UVRAG: variants seen among roughly 807,000 people sequenced by gnomAD.
The protein encoded by UVRAG is UV radiation resistance-associated gene protein.
UVRAG carries 19 observed loss-of-function variants against 78.0 expected under a neutral mutation model. The ratio of observed to expected loss-of-function variants is 0.24; its 90% CI spans 0.17 to 0.36. UVRAG has a LOEUF of 0.36. Ranked by LOEUF, UVRAG falls within the 10% of genes least tolerant of loss-of-function variation. The pLI is 1.00. For synonymous variants in UVRAG, 323 were observed against 324.6 expected (o/e 1.00, Z 0.05); for missense variants, 740 against 853.8 (o/e 0.87, Z 1.66).
At chr11:75,934,561 C>A (rs1413806387) in intron 6 of UVRAG, among the ~76,000 whole-genome samples, 1 of 152,078 alleles carries the variant, frequency 6.6e-6, no homozygotes. Context: ...ACCCCATTTA[C>A]CCTGTAATTA....
chr11:76,094,457 G>C (rs529905186), intron 13 of UVRAG, among the ~76,000 whole-genome samples: 9 of 152,242 alleles, frequency 5.9e-5, no homozygotes, highest in Non-Finnish European at 1.2e-4. Flanking sequence ...TTGTACCTCC[G>C]GTAGAATTTG....
intron 2 of UVRAG, among the ~76,000 whole-genome samples, chr11:75,859,054 G>A (rs1419582123): frequency 6.6e-6 from 1 of 152,144 alleles, no homozygotes; most frequent in Non-Finnish European, 1.5e-5. Flanking sequence ...TCTTTTTCAT[G>A]TAGAAGTAGG....
At chr11:75,853,895 C>G (rs1327309953) in intron 2 of UVRAG, among the ~76,000 whole-genome samples, 1 of 151,926 alleles carries the variant, frequency 6.6e-6, no homozygotes, top group Admixed American at 6.6e-5. Flanking sequence ...GCCTCAGCCT[C>G]CTGAGTAGCT....
intron 14 of UVRAG, among the ~76,000 whole-genome samples, chr11:76,138,761 C>A (rs7928973): frequency 1.3e-5 from 2 of 152,206 alleles, no homozygotes; most frequent in Non-Finnish European, 2.9e-5. Flanking sequence ...GCTTCCACCC[C>A]TCGTGGGCTG....
intron 6 of UVRAG, among the ~76,000 whole-genome samples, chr11:75,960,544 A>G (rs1440715527): frequency 6.6e-6 from 1 of 152,156 alleles, no homozygotes; most frequent in Non-Finnish European, 1.5e-5. Context: ...AGGCGGGCAC[A>G]TTGCTTGAAC....
At position 75,815,465 on chromosome 11, in the gene UVRAG, G is replaced by T; in HGVS notation, c.58G>T (p.Ala20Ser). 1 of 1,247,714 alleles carries T rather than the reference G, an allele frequency of 8.0e-7. No individual in the cohort carries two copies. The allele number at this position is 1,247,714 out of a possible 1,614,324, so 77.3% of individuals were successfully genotyped here. ...PVPQPPPGPA[A>S]ALPPGSAARA... ...CCCCCAGCCACCCCCGGGCCCGGCC[G>T]CTGCTCTGCCTCCCGGTTCTGCCGC... Residue 20 changes from alanine (A) to serine (S), a missense_variant, in exon 1 of 15, where the codon GCT (alanine) becomes TCT (serine). Coordinates refer to ENST00000356136, the MANE Select transcript of UVRAG (RefSeq NM_003369.4).
At chr11:76,069,474 C>T (rs1171643121) in intron 13 of UVRAG, among the ~76,000 whole-genome samples, 2 of 152,134 alleles carry the variant, frequency 1.3e-5, no homozygotes, top group Admixed American at 6.5e-5. Context: ...GTATAATTGA[C>T]GTTGACTTTA....
intron 13 of UVRAG, among the ~76,000 whole-genome samples, chr11:76,090,328 C>T (rs776310544): frequency 2.0e-5 from 3 of 152,166 alleles, no homozygotes; most frequent in Non-Finnish European, 4.4e-5. Context: ...ACATATTAGC[C>T]TACTACGCCT....
At chr11:75,997,036 G>A (rs939214585) in intron 8 of UVRAG, among the ~76,000 whole-genome samples, 20 of 152,298 alleles carry the variant, frequency 1.3e-4, no homozygotes, top group African/African-American at 4.6e-4. Context: ...AGTTTCATAT[G>A]TGCAATATAT....
chr11:75,820,135 C>A (rs1251702140), intron 1 of UVRAG, among the ~76,000 whole-genome samples: 1 of 151,948 alleles, frequency 6.6e-6, no homozygotes, highest in Non-Finnish European at 1.5e-5. Context: ...TGCCACCATA[C>A]CAGTTAATTT....
chr11:76,122,936 A>G (rs7109579), intron 14 of UVRAG, among the ~76,000 whole-genome samples: 14,727 of 152,228 alleles, frequency 0.097, 1,653 homozygotes, highest in African/African-American at 0.27. Flanking sequence ...ACCTTGTGAG[A>G]GTAGCTGGGC....
chr11:75,946,141 T>C (rs763585421), intron 6 of UVRAG, among the ~76,000 whole-genome samples: 50 of 152,186 alleles, frequency 3.3e-4, no homozygotes, highest in African/African-American at 1.2e-3. Context: ...TGCATGAATA[T>C]GTAAATAAAT....
At chr11:75,990,747 C>A (rs1266839713) in intron 8 of UVRAG, among the ~76,000 whole-genome samples, 1 of 152,160 alleles carries the variant, frequency 6.6e-6, no homozygotes, top group African/African-American at 2.4e-5. Flanking sequence ...CTGTGTGTTT[C>A]CATAGCACCC....
chr11:75,924,378 GT>G (rs919229708), intron 6 of UVRAG, among the ~76,000 whole-genome samples: 2 of 149,778 alleles, frequency 1.3e-5, no homozygotes, highest in African/African-American at 2.4e-5. Context: ...AAAGCATTGT[GT>G]TTTTTTTTGT....
chr11:76,007,970 C>T (rs1385846628), intron 10 of UVRAG, among the ~76,000 whole-genome samples: 1 of 151,664 alleles, frequency 6.6e-6, no homozygotes, highest in Admixed American at 6.6e-5. Context: ...TGCAGTGATG[C>T]GATCTTGGCT....
chr11:75,938,084 T>TACAC lies in UVRAG; in HGVS notation c.594-23348_594-23345dup, dbSNP rs142037879. Among the ~76,000 whole-genome samples, 670 of 151,426 alleles carry TACAC rather than the reference T, an allele frequency of 4.4e-3. 4 individuals carry two copies. Among genetic ancestry groups the TACAC allele is most frequent in the African/African-American group, 0.015 (634 of 41,220 alleles). ...GTGTGTATATATATGTATATGTATA[T>TACAC]ACACACACACACACATATATATATT... is the stretch of plus-strand genomic sequence containing the variant. On this transcript the variant is annotated intron_variant, in intron 6 of 14. Transcript: ENST00000356136.
chr11:75,865,780 A>G (rs900084723), intron 3 of UVRAG, among the ~76,000 whole-genome samples: 4 of 151,780 alleles, frequency 2.6e-5, no homozygotes, highest in Non-Finnish European at 5.9e-5. Context: ...ATGCCCGGCT[A>G]ATTTTTGTAT....
intron 13 of UVRAG, among the ~76,000 whole-genome samples, chr11:76,104,882 A>G (rs1455822671): frequency 1.3e-5 from 2 of 152,160 alleles, no homozygotes; most frequent in African/African-American, 4.8e-5. Context: ...TGATATGTAG[A>G]TTTATTTGAA....
At chr11:75,887,833 T>C (rs112621834) in intron 4 of UVRAG, among the ~76,000 whole-genome samples, 15,683 of 150,774 alleles carry the variant, frequency 0.1, 1,557 homozygotes, top group African/African-American at 0.26. Context: ...ATCCGCCCGC[T>C]TCGGCCTCCC....
Sources: allele counts gnomAD v4.1 joint callset (sites outside exome capture counted in the v4.1 genomes callset), GRCh38; gene constraint gnomAD v4.1.1; transcripts MANE v1.5; gene names NCBI Gene and HGNC (gene_info 2026-07-23, HGNC 2026-07-21).